Variants in SNAP91 observed in about 807,000 individuals in gnomAD.
SNAP91 encodes the protein synaptosome associated protein 91.
SNAP91 carries 27 observed loss-of-function variants against 100.3 expected under a neutral mutation model. The ratio of observed to expected loss-of-function variants is 0.27; its 90% CI spans 0.20 to 0.37. The LOEUF is 0.37. SNAP91 is among the 10% of genes least tolerant of loss of function. The pLI, the probability that SNAP91 is intolerant of heterozygous loss-of-function variation, is 1.00. For missense variants in SNAP91, 986 were observed against 1,123.7 expected (o/e 0.88, Z 1.75); for synonymous variants, 404 against 398.6 (o/e 1.01, Z -0.16).
At chr6:83,571,450 C>T (rs534533060) in intron 26 of SNAP91, among the ~76,000 whole-genome samples, 5 of 152,250 alleles carry the variant, frequency 3.3e-5, no homozygotes, top group African/African-American at 7.2e-5. Context: ...TAAGACTTGG[C>T]GTCAAAGGAG....
At chr6:83,581,841 A>T (rs1308766692) in intron 23 of SNAP91, among the ~76,000 whole-genome samples, 3 of 152,350 alleles carry the variant, frequency 2.0e-5, no homozygotes, top group African/African-American at 7.2e-5. Context: ...CAGGCTTCAG[A>T]GGATGTAAGC....
At chr6:83,624,785 A>T (rs2096867350) in intron 8 of SNAP91, among the ~76,000 whole-genome samples, 1 of 152,096 alleles carries the variant, frequency 6.6e-6, no homozygotes, top group African/African-American at 2.4e-5. Flanking sequence ...GAGACCACTG[A>T]CGTAGAGCAC....
chr6:83,705,243 G>T (rs1024135724), intron 2 of SNAP91, among the ~76,000 whole-genome samples: 4 of 152,080 alleles, frequency 2.6e-5, no homozygotes, highest in Admixed American at 2.0e-4. Flanking sequence ...ACTCCTCAGT[G>T]CTTGGTTTTT....
intron 8 of SNAP91, among the ~76,000 whole-genome samples, chr6:83,625,206 C>T (rs1263165998): frequency 6.6e-6 from 1 of 152,086 alleles, no homozygotes; most frequent in Non-Finnish European, 1.5e-5. Context: ...CATGTTGCTG[C>T]TAAGGGCATG....
chr6:83,704,714 A>G (rs2099357325), intron 2 of SNAP91, among the ~76,000 whole-genome samples: 1 of 152,080 alleles, frequency 6.6e-6, no homozygotes. Context: ...ACAGGACCAT[A>G]AATCTGTTTT....
intron 8 of SNAP91, among the ~76,000 whole-genome samples, chr6:83,633,313 T>A (rs773718370): frequency 6.6e-6 from 1 of 152,208 alleles, no homozygotes; most frequent in Non-Finnish European, 1.5e-5. Flanking sequence ...TGAGGGTTTT[T>A]AGCTTTGGTG....
chr6:83,700,582 A>G (rs1011149978), intron 2 of SNAP91, among the ~76,000 whole-genome samples: 4 of 151,588 alleles, frequency 2.6e-5, no homozygotes, highest in African/African-American at 9.7e-5. Context: ...TAAATCAAGC[A>G]GAAGACAACT....
At chr6:83,658,186 C>A (rs2098453590) in intron 6 of SNAP91, among the ~76,000 whole-genome samples, 1 of 152,044 alleles carries the variant, frequency 6.6e-6, no homozygotes. Context: ...CCAGTTTATC[C>A]TAATGGTAAC....
chr6:83,641,353 CA>C, intron 7 of SNAP91, among the ~76,000 whole-genome samples, 151 bp from the exon 8 acceptor site: 1 of 152,140 alleles, frequency 6.6e-6, no homozygotes, highest in Non-Finnish European at 1.5e-5. Flanking sequence ...GGCACCTAAA[CA>C]AAGGGAACCT....
chr6:83,658,065 A>G (rs905847098), intron 6 of SNAP91, among the ~76,000 whole-genome samples: 1 of 151,658 alleles, frequency 6.6e-6, no homozygotes, highest in Non-Finnish European at 1.5e-5. Flanking sequence ...TACAGGCGTG[A>G]GCCATGCCCA....
intron 2 of SNAP91, among the ~76,000 whole-genome samples, chr6:83,670,904 T>C (rs976248022): frequency 6.6e-5 from 10 of 152,020 alleles, no homozygotes; most frequent in Non-Finnish European, 1.3e-4. Flanking sequence ...TTGATTACTA[T>C]AAATTTATCA....
chr6:83,675,217 A>G (rs1405390580), intron 2 of SNAP91, among the ~76,000 whole-genome samples: 1 of 152,254 alleles, frequency 6.6e-6, no homozygotes, highest in Non-Finnish European at 1.5e-5. Flanking sequence ...TATGCCTAAT[A>G]CAATAAATTT....
chr6:83,680,627 T>C (rs182083667), intron 2 of SNAP91, among the ~76,000 whole-genome samples: 11 of 152,298 alleles, frequency 7.2e-5, no homozygotes, highest in African/African-American at 2.6e-4. Context: ...AGTTTGCGGG[T>C]ATTTTCTTGA....
chr6:83,612,252 C>A (rs1395975423), intron 11 of SNAP91, among the ~76,000 whole-genome samples: 1 of 151,946 alleles, frequency 6.6e-6, no homozygotes, highest in East Asian at 1.9e-4. Flanking sequence ...CTATACTGTC[C>A]GTGTCAAAGG....
intron 2 of SNAP91, among the ~76,000 whole-genome samples, chr6:83,673,144 C>A (rs1202185681): frequency 6.6e-6 from 1 of 152,010 alleles, no homozygotes; most frequent in Non-Finnish European, 1.5e-5. Flanking sequence ...CATTGTAATT[C>A]TTTTAAATTT....
intron 29 of SNAP91, among the ~76,000 whole-genome samples, chr6:83,554,974 C>A (rs1043320990): frequency 6.6e-6 from 1 of 152,150 alleles, no homozygotes; most frequent in Admixed American, 6.6e-5. Flanking sequence ...AGGACTGTCT[C>A]AAGCATATCT....
chr6:83,596,227 T>C (rs1264814276), intron 16 of SNAP91, among the ~76,000 whole-genome samples: 2 of 152,112 alleles, frequency 1.3e-5, no homozygotes, highest in Non-Finnish European at 2.9e-5. Flanking sequence ...GCCAGGAATA[T>C]AGGTTTTGAG....
At chr6:83,687,974 G>A (rs1349973810) in intron 2 of SNAP91, among the ~76,000 whole-genome samples, 1 of 152,144 alleles carries the variant, frequency 6.6e-6, no homozygotes, top group African/African-American at 2.4e-5. Context: ...GAGGGACGTG[G>A]AAGACACGGG....
At chr6:83,594,576 T>A (rs1392395683) in intron 16 of SNAP91, 95 bp from the exon 17 acceptor site, 1 of 720,826 alleles carries the variant, frequency 1.4e-6, no homozygotes, top group Non-Finnish European at 2.2e-6. Context: ...GAAGGCTCCC[T>A]TATACAACAT....
Sources: allele counts gnomAD v4.1 joint callset (sites outside exome capture counted in the v4.1 genomes callset), GRCh38; gene constraint gnomAD v4.1.1; transcripts MANE v1.5; gene names NCBI Gene and HGNC (gene_info 2026-07-23, HGNC 2026-07-21).